The following SREBF2 variants were observed in gnomAD, a reference collection of about 807,000 sequenced individuals.
SREBF2 encodes the protein sterol regulatory element-binding protein 2.
SREBF2 carries 55 observed loss-of-function variants against 113.1 expected under a neutral mutation model. The observed-to-expected ratio is 0.49, with a 90% CI of 0.39 to 0.61. The LOEUF (loss-of-function observed/expected upper bound fraction) is 0.61, where lower values mean the gene tolerates loss of function less well. Ranked by LOEUF, SREBF2 falls within the 20% of genes least tolerant of loss-of-function variation. The pLI, the probability that SREBF2 is intolerant of heterozygous loss-of-function variation, is 0.00. For missense variants in SREBF2, 1,349 were observed against 1,487.4 expected, an observed-to-expected ratio of 0.91 and a Z score of 1.53; for synonymous variants, 593 against 605.7, an observed-to-expected ratio of 0.98 and a Z score of 0.31.
At chr22:41,900,573 G>A in intron 16 of SREBF2, 75 bp downstream of exon 16, 1 of 1,486,214 alleles carries the variant, frequency 6.7e-7, no homozygotes. Flanking sequence ...CTCACCTCAT[G>A]CTGACCCTGC....
chr22:41,867,455 C>T (rs1315250601), intron 2 of SREBF2, among the ~76,000 whole-genome samples, 175 bp downstream of exon 2: 3 of 152,200 alleles, frequency 2.0e-5, no homozygotes. Context: ...ATGTCACATT[C>T]TGCAGCTTCA....
intron 18 of SREBF2, 71 bp from the exon 19 acceptor site, chr22:41,905,369 C>A: frequency 7.1e-7 from 1 of 1,403,294 alleles, no homozygotes; most frequent in Non-Finnish European, 9.7e-7. Flanking sequence ...TGAATGAGTC[C>A]AGGTAACGCC....
At chr22:41,895,923 C>G (rs542495260) in intron 13 of SREBF2, among the ~76,000 whole-genome samples, 1 of 151,866 alleles carries the variant, frequency 6.6e-6, no homozygotes, top group Non-Finnish European at 1.5e-5. Flanking sequence ...GTGGGCAGAT[C>G]ACGAGGTCAG....
chr22:41,877,971 C>T lies in SREBF2; in HGVS notation c.1609C>T (p.Pro537Ser), dbSNP rs764418895. 2 of 1,614,138 alleles carry T rather than the reference C, an allele frequency of 1.2e-6. No individual in the cohort carries two copies. Among genetic ancestry groups the T allele is most frequent in the Non-Finnish European group, 1.7e-6 (2 of 1,180,024 alleles). ...GSGGWFDWMMPTLLLWLVNGV... is the reference protein window; with the variant it reads ...GSGGWFDWMMSTLLLWLVNGV... ...TGGGGGCTGGTTTGACTGGATGATG[C>T]CTACTCTTCTCTTATGGCTGGTAAA... Residue 537 changes from proline to serine, a missense_variant, in exon 9 of 19, where the codon CCT becomes TCT. By Grantham distance (74) the Pro-to-Ser change is moderately conservative. Transcript: ENST00000361204.
chr22:41,859,901 G>T (rs2077010827), intron 1 of SREBF2, among the ~76,000 whole-genome samples: 2 of 142,010 alleles, frequency 1.4e-5, no homozygotes, highest in South Asian at 4.4e-4. Context: ...CGCCTCCCAG[G>T]TTCTCGCCAT....
At chr22:41,872,591 G>A (rs1431583745) in intron 4 of SREBF2, among the ~76,000 whole-genome samples, 2 of 152,066 alleles carry the variant, frequency 1.3e-5, no homozygotes, top group African/African-American at 4.8e-5. Context: ...CATTATTTAA[G>A]AAATTAAACT....
intron 12 of SREBF2, 152 bp from the exon 13 acceptor site, chr22:41,894,668 A>G (rs1366565989): frequency 2.6e-5 from 20 of 773,460 alleles, no homozygotes; most frequent in Non-Finnish European, 4.2e-5. Context: ...CCATCCTCCA[A>G]CTGTTTAGCA....
intron 1 of SREBF2, among the ~76,000 whole-genome samples, chr22:41,845,802 T>C (rs2076872110): frequency 6.6e-6 from 1 of 152,216 alleles, no homozygotes; most frequent in Non-Finnish European, 1.5e-5. Flanking sequence ...TCTAGGAATA[T>C]GTGTGTCAGA....
Position 41,877,930 on chromosome 22 carries a change from G to T in SREBF2, c.1580-12G>T, listed in dbSNP as rs774361693. ...CTTTCCTAGCAGACTCTGCTGAGAC[G>T]CTCCTTCTTAGGTTCTGGGGGCTGG... On this transcript the variant is annotated splice_polypyrimidine_tract_variant and intron_variant, in intron 8 of 18. Transcript: ENST00000361204. 8 of 1,614,020 alleles carry T rather than the reference G, an allele frequency of 5.0e-6. No individual in the cohort carries two copies. The Admixed American group carries it at 6.7e-5, about 13-fold the overall frequency.
intron 16 of SREBF2, among the ~76,000 whole-genome samples, chr22:41,901,895 C>T (rs1049262683): frequency 2.6e-5 from 4 of 152,250 alleles, no homozygotes; most frequent in Non-Finnish European, 4.4e-5. Context: ...TAGAAGACAA[C>T]GCCATGCAGC....
chr22:41,860,742 C>G (rs1018281019), intron 1 of SREBF2, among the ~76,000 whole-genome samples: 1 of 152,028 alleles, frequency 6.6e-6, no homozygotes, highest in Non-Finnish European at 1.5e-5. Flanking sequence ...TAAAGTTAGC[C>G]AGGTTTGGTG....
intron 4 of SREBF2, among the ~76,000 whole-genome samples, chr22:41,872,341 C>G (rs1207673753): frequency 6.6e-6 from 1 of 151,458 alleles, no homozygotes; most frequent in East Asian, 1.9e-4. Flanking sequence ...CAAAATGAAG[C>G]TATGGTGCTG....
At chr22:41,834,250 A>G (rs1168538112) in intron 1 of SREBF2, among the ~76,000 whole-genome samples, 1 of 152,156 alleles carries the variant, frequency 6.6e-6, no homozygotes, top group South Asian at 2.1e-4. Context: ...CCTTTCAAGA[A>G]AGAGTCCAGT....
chr22:41,884,801 G>A (rs746165230), intron 10 of SREBF2, 41 bp from the exon 11 acceptor site: 3 of 1,612,930 alleles, frequency 1.9e-6, no homozygotes, highest in Non-Finnish European at 1.7e-6. Flanking sequence ...GTTTGGTTTT[G>A]GGGCTCCATC....
At chr22:41,901,929 T>A (rs1759969336) in intron 16 of SREBF2, among the ~76,000 whole-genome samples, 1 of 152,180 alleles carries the variant, frequency 6.6e-6, no homozygotes, top group South Asian at 2.1e-4. Flanking sequence ...GAGGGCAGAA[T>A]CCAGACATAG....
rs146809299 is a variant in SREBF2 at position 41,854,802 on chromosome 22, G to A, written c.89-12029G>A. 1.6e-3 allele frequency among the ~76,000 whole-genome samples: 250 copies of A among 151,986 alleles called. 9 individuals carry two copies. The East Asian group carries it at 0.034, about 21-fold the overall frequency. ...GAGAATTGCTTGAACGTGGGAGGCG[G>A]AGGTGGAGCCAGAGGCTGCAGTGAG... is the stretch of plus-strand genomic sequence containing the variant. On this transcript the variant is annotated intron_variant, in intron 1 of 18. Transcript: ENST00000361204.
rs915564064 is a variant in SREBF2, at chr22:41,866,854, C to A, written c.112C>A (p.Gln38Lys). ...AGAGATGCTGCAATTTGTCAGTAAT[C>A]AAGTGGGAGAGTTCCCTGACTTGTT... Reference protein sequence around the residue: ...IDEMLQFVSNQVGEFPDLFSE... With the variant: ...IDEMLQFVSNKVGEFPDLFSE... Residue 38 changes from glutamine (Q) to lysine (K), a missense_variant, in exon 2 of 19, where the codon CAA becomes AAA. Physicochemically the swap from Gln to Lys is moderately conservative, Grantham distance 53 (BLOSUM62 1). Transcript: ENST00000361204. 6.2e-7 allele frequency: 1 copy of A among 1,614,218 alleles called. No individual in the cohort carries two copies.
intron 1 of SREBF2, among the ~76,000 whole-genome samples, chr22:41,860,809 A>G (rs556414218): frequency 3.5e-4 from 54 of 152,238 alleles, no homozygotes; most frequent in Non-Finnish European, 7.4e-4. Context: ...TTGCTTAAGC[A>G]CAGGAGGTAG....
chr22:41,877,453 T>C (rs2077207014), intron 8 of SREBF2, 32 bp downstream of exon 8: 1 of 1,610,144 alleles, frequency 6.2e-7, no homozygotes, highest in Non-Finnish European at 8.5e-7. Context: ...CACCTGGGCA[T>C]GGCTGGACCA....
Sources: allele counts gnomAD v4.1 joint callset (sites outside exome capture counted in the v4.1 genomes callset), GRCh38; gene constraint gnomAD v4.1.1; transcripts MANE v1.5; gene names NCBI Gene and HGNC (gene_info 2026-07-23, HGNC 2026-07-21).